LRP1B: variants seen among roughly 807,000 people sequenced by gnomAD.
The protein encoded by LRP1B is low-density lipoprotein receptor-related protein 1B.
Under a neutral mutation model 556.6 loss-of-function variants are expected in LRP1B, and 217 were observed. The observed-to-expected ratio is 0.39, with a 90% CI of 0.35 to 0.44. The LOEUF (loss-of-function observed/expected upper bound fraction) is 0.44, where lower values mean the gene tolerates loss of function less well. LRP1B is among the 20% of genes least tolerant of loss of function. The probability of loss-of-function intolerance (pLI) is 1.00; values close to 1 mark genes in which losing one functional copy is unlikely to be tolerated. For missense variants in LRP1B, 5,053 were observed against 5,620.8 expected (o/e 0.90, Z 3.23); for synonymous variants, 2,047 against 1,865.8 (o/e 1.10, Z -2.50).
intron 59 of LRP1B, among the ~76,000 whole-genome samples, chr2:140,483,643 T>A (rs1462925754): frequency 0.058 from 4,626 of 80,318 alleles, 61 homozygotes; most frequent in Non-Finnish European, 0.088. Flanking sequence ...TATATATATT[T>A]TTTTTTTTTT....
intron 2 of LRP1B, among the ~76,000 whole-genome samples, chr2:141,600,198 G>T (rs1263299435): frequency 1.3e-5 from 2 of 152,024 alleles, no homozygotes; most frequent in African/African-American, 4.8e-5. Context: ...TAAGTGCTTT[G>T]GTTAGAGCGG....
At chr2:140,774,747 G>A (rs13002006) in intron 33 of LRP1B, among the ~76,000 whole-genome samples, 129,802 of 152,126 alleles carry the variant, frequency 0.85, 55,645 homozygotes, top group East Asian at 1. Flanking sequence ...TCTCAATTAC[G>A]TAATCTATTT....
chr2:141,858,567 T>A (rs7586153), intron 1 of LRP1B, among the ~76,000 whole-genome samples: 5,093 of 152,244 alleles, frequency 0.033, 266 homozygotes, highest in African/African-American at 0.12. Flanking sequence ...AAATTATACA[T>A]CTCTTTTTCC....
At chr2:140,636,476 T>C (rs1419646940) in intron 41 of LRP1B, among the ~76,000 whole-genome samples, 1 of 152,160 alleles carries the variant, frequency 6.6e-6, no homozygotes, top group Non-Finnish European at 1.5e-5. Flanking sequence ...AATGTATTCC[T>C]GCATTTAATT....
chr2:140,936,058 G>C (rs1223695319), intron 20 of LRP1B, among the ~76,000 whole-genome samples: 1 of 151,226 alleles, frequency 6.6e-6, no homozygotes, highest in Non-Finnish European at 1.5e-5. Flanking sequence ...AAAAAAACTT[G>C]CCTGGGCATG....
intron 3 of LRP1B, 76 bp from the exon 4 acceptor site, chr2:141,254,717 C>T: frequency 8.6e-7 from 1 of 1,161,724 alleles, no homozygotes; most frequent in Non-Finnish European, 1.2e-6. Context: ...GTGTACAATC[C>T]TTACACTATA....
chr2:141,299,448 A>G (rs148686403), intron 3 of LRP1B, among the ~76,000 whole-genome samples: 1 of 152,322 alleles, frequency 6.6e-6, no homozygotes, highest in African/African-American at 2.4e-5. Flanking sequence ...GACCATCTCT[A>G]AGAACTGGTA....
intron 2 of LRP1B, among the ~76,000 whole-genome samples, chr2:141,807,655 A>G (rs1416297973): frequency 6.6e-6 from 1 of 152,152 alleles, no homozygotes; most frequent in African/African-American, 2.4e-5. Context: ...TTTTTAATTA[A>G]CTGACACGCA....
Position 141,641,728 on chromosome 2 carries a change from G to A in LRP1B, c.206-161195C>T, listed in dbSNP as rs569565030. Among the ~76,000 whole-genome samples the A allele has an allele frequency of 2.2e-4, 34 of 152,180 alleles. No individual in the cohort carries two copies. The South Asian group carries it at 6.8e-3, about 31-fold the overall frequency. ...AGACTGCAAAAGATCCTATACCTGGGTAAAAAATGGTAAGATAAAAGCAGA... is the reference window on the plus strand; with the variant it reads ...AGACTGCAAAAGATCCTATACCTGGATAAAAAATGGTAAGATAAAAGCAGA... On this transcript the variant is annotated intron_variant, in intron 2 of 90. Coordinates refer to ENST00000389484, the MANE Select transcript of LRP1B (RefSeq NM_018557.3).
intron 3 of LRP1B, among the ~76,000 whole-genome samples, chr2:141,409,818 G>A (rs1324190479): frequency 2.0e-5 from 3 of 152,090 alleles, no homozygotes; most frequent in African/African-American, 7.2e-5. Flanking sequence ...CAAGGATAGT[G>A]TATCTGAGGA....
intron 7 of LRP1B, among the ~76,000 whole-genome samples, chr2:141,187,803 G>A (rs1681323340): frequency 1.3e-5 from 2 of 151,672 alleles, no homozygotes; most frequent in Non-Finnish European, 2.9e-5. Context: ...ATGTCAGAAG[G>A]TCTCTATTTA....
chr2:141,524,075 A>G (rs1684612910), intron 2 of LRP1B, among the ~76,000 whole-genome samples: 1 of 152,120 alleles, frequency 6.6e-6, no homozygotes. Context: ...CCAAAGCACA[A>G]TTTAAGGGCA....
intron 20 of LRP1B, among the ~76,000 whole-genome samples, chr2:140,932,413 C>G (rs1227856839): frequency 1.3e-5 from 2 of 152,118 alleles, no homozygotes; most frequent in African/African-American, 4.8e-5. Flanking sequence ...GACATATTGT[C>G]TAGGGTTGCT....
intron 2 of LRP1B, among the ~76,000 whole-genome samples, chr2:141,786,117 G>A (rs963671385): frequency 2.0e-5 from 3 of 151,812 alleles, no homozygotes; most frequent in African/African-American, 4.8e-5. Context: ...GAATTATTCC[G>A]ATACTTTTCC....
intron 80 of LRP1B, among the ~76,000 whole-genome samples, chr2:140,324,274 CATAAAA>C (rs1208133889): frequency 2.0e-5 from 3 of 151,942 alleles, no homozygotes; most frequent in African/African-American, 7.2e-5. Context: ...TTACTTAAAA[CATAAAA>C]ATACACTTCC....
intron 3 of LRP1B, among the ~76,000 whole-genome samples, chr2:141,460,603 C>G (rs1681829994): frequency 6.6e-6 from 1 of 152,052 alleles, no homozygotes; most frequent in African/African-American, 2.4e-5. Flanking sequence ...TACTTGGATA[C>G]TGTATTGAGA....
chr2:141,233,553 A>T (rs896567113), intron 5 of LRP1B, among the ~76,000 whole-genome samples: 1 of 152,204 alleles, frequency 6.6e-6, no homozygotes, highest in Non-Finnish European at 1.5e-5. Flanking sequence ...GACCAGGTTC[A>T]TAAAAATACC....
At chr2:141,739,802 T>C (rs1162813705) in intron 2 of LRP1B, among the ~76,000 whole-genome samples, 1 of 151,928 alleles carries the variant, frequency 6.6e-6, no homozygotes, top group African/African-American at 2.4e-5. Flanking sequence ...CAAATCCATA[T>C]TGTTCACCCT....
chr2:140,621,205 C>A (rs1186495120), intron 41 of LRP1B, among the ~76,000 whole-genome samples: 2 of 151,164 alleles, frequency 1.3e-5, no homozygotes, highest in African/African-American at 2.4e-5. Context: ...CACGGTGAAA[C>A]CCCATCTCTA....
Sources: allele counts gnomAD v4.1 joint callset (sites outside exome capture counted in the v4.1 genomes callset), GRCh38; gene constraint gnomAD v4.1.1; transcripts MANE v1.5; gene names NCBI Gene and HGNC (gene_info 2026-07-23, HGNC 2026-07-21).